The following SLC14A2 variants were observed in gnomAD, a reference collection of about 807,000 sequenced individuals.
The protein encoded by SLC14A2 is urea transporter 2.
In SLC14A2, 91 loss-of-function variants were observed where a neutral mutation model predicts 104.6. The observed-to-expected ratio is 0.87, with a 90% CI of 0.73 to 1.04. The LOEUF (loss-of-function observed/expected upper bound fraction) is 1.04, where lower values mean the gene tolerates loss of function less well. Among genes scored for constraint, SLC14A2 ranks in the 50% least tolerant of loss-of-function variants. The pLI, the probability that SLC14A2 is intolerant of heterozygous loss-of-function variation, is 0.00. For missense variants in SLC14A2, 1,189 were observed against 1,156.0 expected, an observed-to-expected ratio of 1.03 and a Z score of -0.41; for synonymous variants, 476 against 466.4, an observed-to-expected ratio of 1.02 and a Z score of -0.27.
intron 1 of SLC14A2, among the ~76,000 whole-genome samples, chr18:45,461,748 G>A (rs142550992): frequency 6.6e-5 from 10 of 152,276 alleles, no homozygotes; most frequent in African/African-American, 1.9e-4. Context: ...AAATTGCATC[G>A]TTTGAGCATA....
chr18:45,643,899 C>T lies in SLC14A2; in HGVS notation c.1177-87C>T, dbSNP rs890193852. 1.1e-4 allele frequency: 127 copies of T among 1,161,836 alleles called. 2 individuals are homozygous for T. Among genetic ancestry groups the T allele is most frequent in the South Asian group, 1.1e-3 (77 of 70,912 alleles). 72.0% of individuals were successfully genotyped at this position (1,161,836 alleles called of 1,614,324 possible). ...CTGGAGGGAGGATCTCCATCCTCAACGCCTGTCACATCCTTCTCCCCCAGA... is the reference window on the plus strand; with the variant it reads ...CTGGAGGGAGGATCTCCATCCTCAATGCCTGTCACATCCTTCTCCCCCAGA... On this transcript the variant is annotated intron_variant, in intron 9 of 19. Coordinates refer to ENST00000255226, the MANE Select transcript of SLC14A2 (RefSeq NM_007163.4).
At chr18:45,206,418 T>TAC in the SLC14A2 span, among the ~76,000 whole-genome samples, 1 of 149,130 alleles carries the variant, frequency 6.7e-6, no homozygotes, top group Non-Finnish European at 1.5e-5. Context: ...CACATACACA[T>TAC]ACACACACAC....
chr18:45,455,381 A>G (rs2086925146), intron 1 of SLC14A2, among the ~76,000 whole-genome samples: 1 of 152,152 alleles, frequency 6.6e-6, no homozygotes, highest in Non-Finnish European at 1.5e-5. Context: ...CATTCTCAGC[A>G]AACAACACAG....
At chr18:45,227,627 T>C (rs1373363702) in intron 1 of SLC14A2, among the ~76,000 whole-genome samples, 2 of 152,222 alleles carry the variant, frequency 1.3e-5, no homozygotes, top group East Asian at 3.8e-4. Context: ...TACCACCACA[T>C]TAGCAAAGCC....
intron 10 of SLC14A2, among the ~76,000 whole-genome samples, chr18:45,662,857 A>G (rs1282989641): frequency 6.6e-6 from 1 of 152,196 alleles, no homozygotes. Context: ...CAGGATCACC[A>G]GATTTTCCAA....
At chr18:45,330,485 T>C (rs1248523581) in intron 1 of SLC14A2, among the ~76,000 whole-genome samples, 1 of 152,210 alleles carries the variant, frequency 6.6e-6, no homozygotes, top group Non-Finnish European at 1.5e-5. Flanking sequence ...TGCCAGAGGC[T>C]GAGGAGTGAT....
chr18:45,558,660 T>A (rs1043709281), intron 2 of SLC14A2, among the ~76,000 whole-genome samples: 1 of 152,182 alleles, frequency 6.6e-6, no homozygotes, highest in African/African-American at 2.4e-5. Context: ...TTGGGTCACC[T>A]GTTAGTGCTT....
rs557004146 is a variant in SLC14A2, at chr18:45,431,993, C to T, written c.-124-51240C>T. Among the ~76,000 whole-genome samples the T allele has an allele frequency of 4.6e-5, 7 of 152,258 alleles. No homozygotes were observed. In the East Asian group the frequency reaches 1.2e-3, roughly 25 times the overall value. On this transcript the variant is annotated intron_variant, in intron 1 of 20. Coordinates refer to the SLC14A2 transcript ENST00000586448. ...GGCAGTACAATGGCAGAACTGAGTACACACAACCCCTGGTTTATGTAGTCA... is the reference window on the plus strand; with the variant it reads ...GGCAGTACAATGGCAGAACTGAGTATACACAACCCCTGGTTTATGTAGTCA...
intron 1 of SLC14A2, among the ~76,000 whole-genome samples, chr18:45,479,763 A>C (rs1003378745): frequency 1.3e-5 from 2 of 152,186 alleles, no homozygotes; most frequent in Admixed American, 6.5e-5. Flanking sequence ...TTAAAGGCAT[A>C]ATGATGCTGT....
At chr18:45,581,829 C>A (rs144855131) in intron 2 of SLC14A2, among the ~76,000 whole-genome samples, 169 of 152,272 alleles carry the variant, frequency 1.1e-3, no homozygotes, top group Admixed American at 1.9e-3. Context: ...CTAAGATGCC[C>A]AAAGAGAATC....
At chr18:45,378,886 C>T (rs1162025063) in intron 1 of SLC14A2, among the ~76,000 whole-genome samples, 2 of 152,142 alleles carry the variant, frequency 1.3e-5, no homozygotes, top group Non-Finnish European at 2.9e-5. Flanking sequence ...GCTGGGATTA[C>T]AGGCGTGAGC....
At chr18:45,360,534 G>A (rs16978350) in intron 1 of SLC14A2, among the ~76,000 whole-genome samples, 2 of 151,990 alleles carry the variant, frequency 1.3e-5, no homozygotes, top group Non-Finnish European at 2.9e-5. Flanking sequence ...TTTTCTAAAG[G>A]CTTCTGGTAA....
At chr18:45,586,635 C>T (rs973635494) in intron 2 of SLC14A2, among the ~76,000 whole-genome samples, 1 of 152,128 alleles carries the variant, frequency 6.6e-6, no homozygotes, top group Non-Finnish European at 1.5e-5. Flanking sequence ...GACTGCTTGC[C>T]CTTTGCCGTG....
intron 1 of SLC14A2, among the ~76,000 whole-genome samples, chr18:45,392,519 T>C (rs1399359486): frequency 6.6e-6 from 1 of 152,198 alleles, no homozygotes; most frequent in East Asian, 1.9e-4. Flanking sequence ...TTTTAAAAGA[T>C]TTTTAGCTAA....
At chr18:45,651,307 A>G (rs188891368) in intron 10 of SLC14A2, among the ~76,000 whole-genome samples, 11 of 152,252 alleles carry the variant, frequency 7.2e-5, no homozygotes, top group Admixed American at 3.3e-4. Context: ...GATGAGGCCA[A>G]GCTGGATGGA....
chr18:45,469,321 T>C (rs2087201965), intron 1 of SLC14A2, among the ~76,000 whole-genome samples: 1 of 152,184 alleles, frequency 6.6e-6, no homozygotes, highest in Non-Finnish European at 1.5e-5. Context: ...GGGAACCCAC[T>C]GGAGACCCTG....
intron 2 of SLC14A2, among the ~76,000 whole-genome samples, chr18:45,519,891 TAGG>T (rs1490933324): frequency 1.3e-5 from 2 of 152,092 alleles, no homozygotes; most frequent in African/African-American, 4.8e-5. Context: ...ACTCCTACAC[TAGG>T]AATTAACAGG....
intron 1 of SLC14A2, among the ~76,000 whole-genome samples, chr18:45,265,519 T>C (rs1970043648): frequency 6.6e-6 from 1 of 152,194 alleles, no homozygotes; most frequent in Non-Finnish European, 1.5e-5. Flanking sequence ...TTGCTTTGTG[T>C]CTGCCCACCC....
chr18:45,420,441 G>A (rs992162087), intron 1 of SLC14A2, among the ~76,000 whole-genome samples: 3 of 152,172 alleles, frequency 2.0e-5, no homozygotes, highest in Non-Finnish European at 4.4e-5. Context: ...CACGAGGATG[G>A]TGTGGGAAGG....
Sources: gnomAD v4.1 joint callset for allele counts (sites outside exome capture counted in the v4.1 genomes callset) on GRCh38, gnomAD v4.1.1 for gene constraint, MANE v1.5 for transcripts, NCBI Gene and HGNC (gene_info 2026-07-23, HGNC 2026-07-21) for gene names.